Variants in LRP1B observed in about 807,000 individuals in gnomAD.
LRP1B encodes low-density lipoprotein receptor-related protein 1B.
Under a neutral mutation model 556.6 loss-of-function variants are expected in LRP1B, and 217 were observed. The ratio of observed to expected loss-of-function variants is 0.39; its 90% CI spans 0.35 to 0.44. The LOEUF is 0.44. LRP1B is among the 20% of genes least tolerant of loss of function. The pLI is 1.00. For missense variants in LRP1B, 5,053 were observed against 5,620.8 expected, an observed-to-expected ratio of 0.90 and a Z score of 3.23; for synonymous variants, 2,047 against 1,865.8, an observed-to-expected ratio of 1.10 and a Z score of -2.50.
intron 32 of LRP1B, among the ~76,000 whole-genome samples, chr2:140,799,977 C>T (rs1690450632): frequency 6.6e-6 from 1 of 152,036 alleles, no homozygotes; most frequent in Admixed American, 6.6e-5. Context: ...AGCCAGGAAA[C>T]TCAAGGAGTC....
chr2:141,061,533 G>C (rs1242110915), intron 8 of LRP1B, among the ~76,000 whole-genome samples: 1 of 151,696 alleles, frequency 6.6e-6, no homozygotes, highest in African/African-American at 2.4e-5. Context: ...GAAGAATTTT[G>C]ACCTCCGTGA....
At chr2:142,090,432 A>G (rs1706124230) in intron 1 of LRP1B, among the ~76,000 whole-genome samples, 1 of 152,086 alleles carries the variant, frequency 6.6e-6, no homozygotes, top group African/African-American at 2.4e-5. Flanking sequence ...CTCTATCACA[A>G]TTATATTGCA....
chr2:141,125,855 A>AAAAC (rs1553463705), intron 7 of LRP1B, among the ~76,000 whole-genome samples: 2 of 149,752 alleles, frequency 1.3e-5, no homozygotes, highest in Non-Finnish European at 3.0e-5. Flanking sequence ...AAAAAAAAAA[A>AAAAC]AAAAAACAAA....
rs1004940963 is a variant in LRP1B, at chr2:140,371,122, G to T, written c.10875+57C>A. 8 of 1,154,244 alleles carry T rather than the reference G, an allele frequency of 6.9e-6. No homozygotes were observed. The Admixed American group carries it at 1.7e-4, about 25-fold the overall frequency. The allele number at this position is 1,154,244 out of a possible 1,614,324, so 71.5% of individuals were successfully genotyped here. A position where few individuals can be genotyped will look rare whatever the true frequency, so the allele number is the denominator to read the frequency against. On this transcript the variant is annotated intron_variant, in intron 70 of 90. Coordinates refer to ENST00000389484, the MANE Select transcript of LRP1B (RefSeq NM_018557.3). The stretch of plus-strand genomic sequence containing the variant: ...CTTTCTCTTTATTTTCATTACATTT[G>T]TTTGCCCAAACCTAATTCATGTAAT...
At chr2:142,016,012 A>AAAAAAAAAAGG (rs1559023425) in intron 1 of LRP1B, among the ~76,000 whole-genome samples, 1 of 149,330 alleles carries the variant, frequency 6.7e-6, no homozygotes, top group African/African-American at 2.4e-5. Flanking sequence ...AAAAAAAAAA[A>AAAAAAAAAAGG]GTGGGTGAAG....
intron 1 of LRP1B, among the ~76,000 whole-genome samples, chr2:141,980,124 G>T (rs1702002177): frequency 6.6e-6 from 1 of 152,190 alleles, no homozygotes; most frequent in East Asian, 1.9e-4. Context: ...TAAAGCCTAA[G>T]AAACAGAAGC....
chr2:141,228,630 C>CA (rs1382933559), intron 6 of LRP1B, among the ~76,000 whole-genome samples: 1 of 149,828 alleles, frequency 6.7e-6, no homozygotes, highest in Non-Finnish European at 1.5e-5. Context: ...AATGAGATTT[C>CA]AGTTTATGGT....
intron 2 of LRP1B, among the ~76,000 whole-genome samples, chr2:141,703,304 C>A (rs1692015754): frequency 6.6e-6 from 1 of 151,836 alleles, no homozygotes; most frequent in African/African-American, 2.4e-5. Context: ...GAAAGACAAA[C>A]CTGTGCTTAC....
At chr2:140,280,838 ATCTGT>A (rs1378160439) in intron 84 of LRP1B, among the ~76,000 whole-genome samples, 2 of 151,836 alleles carry the variant, frequency 1.3e-5, no homozygotes, top group African/African-American at 4.8e-5. Context: ...AATGTAACTA[ATCTGT>A]TCTAAGAAAG....
intron 32 of LRP1B, among the ~76,000 whole-genome samples, chr2:140,779,803 A>T (rs2104959759): frequency 6.8e-6 from 1 of 147,542 alleles, no homozygotes; most frequent in African/African-American, 2.5e-5. Flanking sequence ...CAGAGGGGAG[A>T]TATATATCAT....
chr2:140,980,758 CA>C (rs1424862156), intron 18 of LRP1B, among the ~76,000 whole-genome samples: 1 of 152,116 alleles, frequency 6.6e-6, no homozygotes, highest in Non-Finnish European at 1.5e-5. Context: ...CCCAAAGGAA[CA>C]GAAGCCATTA....
At chr2:141,722,631 C>T (rs1449382420) in intron 2 of LRP1B, among the ~76,000 whole-genome samples, 1 of 152,046 alleles carries the variant, frequency 6.6e-6, no homozygotes, top group Admixed American at 6.6e-5. Context: ...TGTCCCTCTC[C>T]CATTGCCCAC....
chr2:140,352,321 G>T (rs1263548280), intron 76 of LRP1B, among the ~76,000 whole-genome samples: 1 of 151,890 alleles, frequency 6.6e-6, no homozygotes, highest in Admixed American at 6.6e-5. Flanking sequence ...GACTACAGGT[G>T]TGTACCACCA....
intron 3 of LRP1B, among the ~76,000 whole-genome samples, chr2:141,471,287 T>TTTGTTTTG (rs1682462916): frequency 1.5e-5 from 1 of 68,072 alleles, no homozygotes; most frequent in Non-Finnish European, 3.7e-5. Context: ...TTTTTTTTTT[T>TTTGTTTTG]TTTTTTTACT....
At chr2:141,755,029 G>A (rs1299932076) in intron 2 of LRP1B, among the ~76,000 whole-genome samples, 3 of 151,892 alleles carry the variant, frequency 2.0e-5, no homozygotes, top group South Asian at 2.1e-4. Context: ...AACAGCAGAG[G>A]GTAGGTAAAC....
At chr2:141,858,495 C>T (rs1476407332) in intron 1 of LRP1B, among the ~76,000 whole-genome samples, 1 of 152,058 alleles carries the variant, frequency 6.6e-6, no homozygotes, top group East Asian at 1.9e-4. Context: ...AGATCCAGAT[C>T]CAGATATAGA....
chr2:140,381,496 T>C (rs1261461657), intron 67 of LRP1B, among the ~76,000 whole-genome samples: 1 of 152,118 alleles, frequency 6.6e-6, no homozygotes, highest in African/African-American at 2.4e-5. Context: ...ACAAGCCAGA[T>C]TGGCAACCAA....
chr2:141,909,081 G>A (rs1699835243), intron 1 of LRP1B, among the ~76,000 whole-genome samples: 1 of 152,154 alleles, frequency 6.6e-6, no homozygotes, highest in South Asian at 2.1e-4. Context: ...TCCAAAGGGT[G>A]TATTAGGGAA....
intron 20 of LRP1B, among the ~76,000 whole-genome samples, chr2:140,930,800 T>G (rs943853536): frequency 6.6e-6 from 1 of 152,146 alleles, no homozygotes; most frequent in East Asian, 1.9e-4. Flanking sequence ...TTAGCTTTTC[T>G]GTGAATCACT....
Sources: gnomAD v4.1 joint callset for allele counts (sites outside exome capture counted in the v4.1 genomes callset) on GRCh38, gnomAD v4.1.1 for gene constraint, MANE v1.5 for transcripts, NCBI Gene and HGNC (gene_info 2026-07-23, HGNC 2026-07-21) for gene names.